Variants in KCNK2 observed in about 807,000 individuals in gnomAD.
KCNK2 encodes the protein potassium channel subfamily K member 2.
A neutral mutation model predicts 40.5 loss-of-function variants in KCNK2; 21 were observed. The observed-to-expected ratio is 0.52, with a 90% CI of 0.37 to 0.75. The LOEUF (loss-of-function observed/expected upper bound fraction) is 0.75, where lower values mean the gene tolerates loss of function less well. Ranked by LOEUF, KCNK2 falls within the 30% of genes least tolerant of loss-of-function variation. The pLI, the probability that KCNK2 is intolerant of heterozygous loss-of-function variation, is 0.00. For synonymous variants in KCNK2, 191 were observed against 202.2 expected, an observed-to-expected ratio of 0.94 and a Z score of 0.47; for missense variants, 399 against 531.6, an observed-to-expected ratio of 0.75 and a Z score of 2.45.
chr1:215,100,037 T>G (rs1221374222), intron 2 of KCNK2, among the ~76,000 whole-genome samples: 51 of 151,994 alleles, frequency 3.4e-4, no homozygotes, highest in Admixed American at 3.4e-3. Context: ...CAGTGTGCTA[T>G]TAATAGCACC....
intron 1 of KCNK2, among the ~76,000 whole-genome samples, chr1:215,048,177 C>G (rs1657851593): frequency 6.6e-6 from 1 of 152,168 alleles, no homozygotes; most frequent in South Asian, 2.1e-4. Context: ...TGCGTACAAT[C>G]CCTCATCAAC....
At chr1:215,177,111 AT>A (rs537305539) in intron 5 of KCNK2, among the ~76,000 whole-genome samples, 13 of 151,782 alleles carry the variant, frequency 8.6e-5, no homozygotes, top group African/African-American at 2.7e-4. Flanking sequence ...TTTTTTTCAT[AT>A]GTTTCTTGGC....
chr1:215,035,151 A>T (rs889358349), intron 1 of KCNK2, among the ~76,000 whole-genome samples: 1 of 152,112 alleles, frequency 6.6e-6, no homozygotes, highest in Admixed American at 6.6e-5. Context: ...TCCAGTAAAA[A>T]CAATTTCCCA....
intron 1 of KCNK2, among the ~76,000 whole-genome samples, chr1:215,052,347 G>T (rs961038488): frequency 6.6e-6 from 1 of 152,178 alleles, no homozygotes; most frequent in African/African-American, 2.4e-5. Flanking sequence ...ACTGCCTATA[G>T]AGCAGAGGAT....
intron 3 of KCNK2, among the ~76,000 whole-genome samples, chr1:215,149,168 G>A (rs923014580): frequency 6.6e-6 from 1 of 152,164 alleles, no homozygotes; most frequent in Non-Finnish European, 1.5e-5. Context: ...ATGCTTTGAG[G>A]TAGTGGCGGT....
At chr1:215,177,293 A>G (rs142034812) in intron 5 of KCNK2, among the ~76,000 whole-genome samples, 2 of 152,138 alleles carry the variant, frequency 1.3e-5, no homozygotes, top group African/African-American at 2.4e-5. Flanking sequence ...ATTTTATCCA[A>G]TTCTATAGGT....
At chr1:215,186,380 C>A (rs774010620) in intron 5 of KCNK2, among the ~76,000 whole-genome samples, 29 of 151,944 alleles carry the variant, frequency 1.9e-4, no homozygotes, top group Non-Finnish European at 3.7e-4. Flanking sequence ...GGCAACAGGG[C>A]GAGGCCCCAT....
intron 6 of KCNK2, among the ~76,000 whole-genome samples, chr1:215,229,403 C>A (rs1025955351): frequency 6.6e-6 from 1 of 152,108 alleles, no homozygotes; most frequent in Non-Finnish European, 1.5e-5. Context: ...GTGGCTCACA[C>A]CTGTAATCCC....
chr1:215,087,512 G>GCAAAAACATTCTTTT (rs1659499566), intron 2 of KCNK2, among the ~76,000 whole-genome samples: 1 of 152,128 alleles, frequency 6.6e-6, no homozygotes, highest in Non-Finnish European at 1.5e-5. Flanking sequence ...ACAATTCATT[G>GCAAAAACATTCTTTT]GTCAAATCGG....
chr1:215,223,797 T>C (rs1666278896), intron 6 of KCNK2, among the ~76,000 whole-genome samples: 1 of 152,140 alleles, frequency 6.6e-6, no homozygotes, highest in African/African-American at 2.4e-5. Flanking sequence ...TTTTACACTT[T>C]TATTCATGAC....
At chr1:215,028,650 T>G (rs1350938602) in intron 1 of KCNK2, among the ~76,000 whole-genome samples, 1 of 152,190 alleles carries the variant, frequency 6.6e-6, no homozygotes, top group African/African-American at 2.4e-5. Flanking sequence ...AATAAAATTT[T>G]CATGTTTGAC....
chr1:215,210,169 A>G (rs575766668), intron 6 of KCNK2, among the ~76,000 whole-genome samples: 42 of 147,812 alleles, frequency 2.8e-4, no homozygotes, highest in African/African-American at 1.0e-3. Context: ...TAGTGTGTGT[A>G]TGTACATATA....
At chr1:215,044,075 T>A (rs1657660530) in intron 1 of KCNK2, among the ~76,000 whole-genome samples, 1 of 151,952 alleles carries the variant, frequency 6.6e-6, no homozygotes, top group Non-Finnish European at 1.5e-5. Context: ...TTTTGCTGAG[T>A]CAAAGAAGGA....
At chr1:215,084,182 GCACACACACA>G (rs71945726) in intron 1 of KCNK2, among the ~76,000 whole-genome samples, 20 of 141,860 alleles carry the variant, frequency 1.4e-4, no homozygotes, top group South Asian at 2.3e-4. Flanking sequence ...TTAGGTTAAT[GCACACACACA>G]CACACACACA....
At chr1:215,173,072 A>G (rs1663792010) in intron 5 of KCNK2, among the ~76,000 whole-genome samples, 1 of 151,974 alleles carries the variant, frequency 6.6e-6, no homozygotes, top group African/African-American at 2.4e-5. Flanking sequence ...TGCACCCATT[A>G]ACTCGTCATT....
chr1:215,151,576 C>A (rs1459290534), intron 3 of KCNK2, among the ~76,000 whole-genome samples: 2 of 152,128 alleles, frequency 1.3e-5, no homozygotes, highest in South Asian at 4.1e-4. Flanking sequence ...CCACTAAAAA[C>A]AATTCCAAAA....
chr1:215,120,270 T>A (rs185442340), intron 2 of KCNK2, among the ~76,000 whole-genome samples: 19 of 152,320 alleles, frequency 1.2e-4, no homozygotes, highest in Admixed American at 1.1e-3. Flanking sequence ...GTGCTGGTTA[T>A]GAAGGCTATA....
chr1:215,153,840 A>G (rs1303430534), intron 3 of KCNK2, among the ~76,000 whole-genome samples: 1 of 151,766 alleles, frequency 6.6e-6, no homozygotes, highest in East Asian at 1.9e-4. Flanking sequence ...GAGTGAGAAC[A>G]TGTGTTTGGT....
At chr1:215,175,446 C>T (rs956590369) in intron 5 of KCNK2, among the ~76,000 whole-genome samples, 11 of 101,710 alleles carry the variant, frequency 1.1e-4, no homozygotes, top group Admixed American at 1.1e-3. Context: ...ATGTCTGCCT[C>T]TGATTTTTTT....
Sources: allele counts gnomAD v4.1 joint callset (sites outside exome capture counted in the v4.1 genomes callset), GRCh38; gene constraint gnomAD v4.1.1; transcripts MANE v1.5; gene names NCBI Gene and HGNC (gene_info 2026-07-23, HGNC 2026-07-21).